SYNE2: variants seen among roughly 807,000 people sequenced by gnomAD.
The protein encoded by SYNE2 is nesprin-2.
Under a neutral mutation model 856.3 loss-of-function variants are expected in SYNE2, and 431 were observed. That is an observed-to-expected ratio of 0.50 (90% confidence interval 0.47 to 0.55). The LOEUF is 0.55. Ranked by LOEUF, SYNE2 falls within the 20% of genes least tolerant of loss-of-function variation. The pLI, the probability that SYNE2 is intolerant of heterozygous loss-of-function variation, is 0.00. For synonymous variants in SYNE2, 2,923 were observed against 2,872.3 expected (o/e 1.02, Z -0.56); for missense variants, 8,129 against 8,023.2 (o/e 1.01, Z -0.50).
Position 64,049,591 on chromosome 14 carries a change from T to A in SYNE2, c.7378-20T>A, listed in dbSNP as rs1391796014. 6.2e-7 allele frequency: 1 copy of A among 1,613,308 alleles called. No homozygotes were observed. The highest frequency in any genetic ancestry group is 8.5e-7 in the Non-Finnish European group (1 of 1,179,418). On this transcript the variant is annotated intron_variant, in intron 46 of 115. Transcript: ENST00000555002. Reference sequence around the variant, plus strand: ...AAATAAGTGAGTGTTTATTGACTGATCTGTGTGACTTATTTTTAGAAATTA... The same window carrying A: ...AAATAAGTGAGTGTTTATTGACTGAACTGTGTGACTTATTTTTAGAAATTA...
At chr14:63,867,015 T>C (rs1310707134) in intron 1 of SYNE2, among the ~76,000 whole-genome samples, 1 of 152,224 alleles carries the variant, frequency 6.6e-6, no homozygotes, top group African/African-American at 2.4e-5. Context: ...CCAGACACTT[T>C]ACATGCACCA....
chr14:63,999,063 C>A lies in SYNE2; in HGVS notation c.3480+23C>A, dbSNP rs748508078. 4 of 1,609,844 alleles carry A rather than the reference C, an allele frequency of 2.5e-6. No homozygotes were observed. In the African/African-American group the frequency reaches 4.0e-5, roughly 16 times the overall value. ...CAGGTAATTACCAAAAATATTATTT[C>A]TCTGATTATCTTGTTTATTAGAAAA... is the stretch of plus-strand genomic sequence containing the variant. On this transcript the variant is annotated intron_variant, in intron 27 of 115. Transcript: ENST00000555002.
At position 64,010,227 on chromosome 14, in the gene SYNE2, A is replaced by C. The variant is rs1594838898; in HGVS notation, c.4728+111A>C. ...TTTGAAACTTCGTTTAAAAGAAGTT[A>C]CTAGTGACCCTATTTTACCAGGTAT... On this transcript the variant is annotated intron_variant, in intron 32 of 115. Coordinates refer to ENST00000555002, the MANE Select transcript of SYNE2 (RefSeq NM_182914.3). The C allele has an allele frequency of 1.6e-5, 19 of 1,173,462 alleles. 1 individual carries two copies. The East Asian group carries it at 4.9e-4, about 30-fold the overall frequency. 72.7% of individuals were successfully genotyped at this position (1,173,462 alleles called of 1,614,324 possible). A position where few individuals can be genotyped will look rare whatever the true frequency, so the allele number is the denominator to read the frequency against.
intron 1 of SYNE2, among the ~76,000 whole-genome samples, chr14:63,885,966 A>G (rs1188852951): frequency 6.6e-6 from 1 of 152,162 alleles, no homozygotes; most frequent in Non-Finnish European, 1.5e-5. Flanking sequence ...ATGTGAGCTA[A>G]ATAGATGCTG....
chr14:63,958,466 T>A (rs1363214884), intron 8 of SYNE2, among the ~76,000 whole-genome samples: 1 of 152,150 alleles, frequency 6.6e-6, no homozygotes, highest in Non-Finnish European at 1.5e-5. Flanking sequence ...TTATACTGGG[T>A]TTTTGTGTTC....
intron 1 of SYNE2, among the ~76,000 whole-genome samples, chr14:63,810,688 A>G (rs1324604365): frequency 6.6e-6 from 1 of 152,172 alleles, no homozygotes; most frequent in Admixed American, 6.5e-5. Context: ...CCTGTTCTTT[A>G]ATATTTTGTT....
chr14:63,845,193 A>T (rs2139940491), intron 1 of SYNE2, among the ~76,000 whole-genome samples: 1 of 152,264 alleles, frequency 6.6e-6, no homozygotes, highest in Middle Eastern at 3.4e-3. Context: ...AGGCAGGTGG[A>T]TCACCTGAGG....
At chr14:63,782,448 C>G (rs1358797379) in intron 1 of SYNE2, among the ~76,000 whole-genome samples, 1 of 78,340 alleles carries the variant, frequency 1.3e-5, no homozygotes, top group African/African-American at 5.1e-5. Context: ...AGCCTGCCAA[C>G]AAGAGTGAAA....
At chr14:63,864,229 CCT>C in intron 1 of SYNE2, among the ~76,000 whole-genome samples, 1 of 152,320 alleles carries the variant, frequency 6.6e-6, no homozygotes, top group Non-Finnish European at 1.5e-5. Flanking sequence ...AAGAATCTTT[CCT>C]CTGTTAATAC....
intron 57 of SYNE2, among the ~76,000 whole-genome samples, chr14:64,086,440 A>G (rs1179143670): frequency 6.6e-6 from 1 of 152,204 alleles, no homozygotes. Context: ...CATCAATTCT[A>G]CAACTTTGTC....
At chr14:63,820,601 A>G (rs1889177184) in intron 1 of SYNE2, among the ~76,000 whole-genome samples, 4 of 152,330 alleles carry the variant, frequency 2.6e-5, no homozygotes, top group African/African-American at 9.6e-5. Flanking sequence ...AAGGAATGAA[A>G]AGACTAGCCA....
intron 1 of SYNE2, among the ~76,000 whole-genome samples, chr14:63,895,965 A>G (rs1308016458): frequency 6.6e-6 from 1 of 152,172 alleles, no homozygotes; most frequent in African/African-American, 2.4e-5. Context: ...AGCACTTTAT[A>G]GAGAAACATA....
At chr14:63,907,779 A>G (rs2095425973) in intron 1 of SYNE2, among the ~76,000 whole-genome samples, 1 of 152,156 alleles carries the variant, frequency 6.6e-6, no homozygotes, top group Admixed American at 6.6e-5. Flanking sequence ...TTTGTCACTC[A>G]TCAGGCTGCC....
chr14:64,067,209 T>G (rs543152872), intron 51 of SYNE2, among the ~76,000 whole-genome samples: 2 of 151,818 alleles, frequency 1.3e-5, no homozygotes, highest in African/African-American at 2.4e-5. Context: ...AAAAAAAAAA[T>G]GCTTCCCTGT....
chr14:64,000,584 C>T lies in SYNE2; in HGVS notation c.3503C>T (p.Ala1168Val), dbSNP rs142855086. ...DLQVIKNETD[A>V]RWKEFEIISL... Reference sequence around the variant, plus strand: ...TAGGTCATAAAAAATGAAACTGATGCTCGCTGGAAAGAGTTTGAAATTATT... The same window carrying T: ...TAGGTCATAAAAAATGAAACTGATGTTCGCTGGAAAGAGTTTGAAATTATT... Residue 1168 changes from alanine to valine, a missense_variant, in exon 28 of 116, where the codon GCT (alanine) becomes GTT (valine). Around this residue, in one of 3 missense-constraint regions of SYNE2, gnomAD observed 2,422 missense variants for 2,357.4 expected, o/e 1.03. Transcript: ENST00000555002. The T allele has an allele frequency of 6.2e-7, 1 of 1,613,378 alleles. No homozygotes were observed. The highest frequency in any genetic ancestry group is 1.3e-5 in the African/African-American group (1 of 75,000).
At chr14:64,100,547 T>TAGATATATAA (rs1272258147) in intron 63 of SYNE2, among the ~76,000 whole-genome samples, 2 of 85,606 alleles carry the variant, frequency 2.3e-5, no homozygotes, top group East Asian at 4.5e-4. Context: ...TATATATATA[T>TAGATATATAA]ATATATATAT....
chr14:64,034,463 C>A, intron 45 of SYNE2: 1 of 475,586 alleles, frequency 2.1e-6, no homozygotes, highest in Non-Finnish European at 3.8e-6. Context: ...ATTTCTTTTA[C>A]TTTTTCTTTA....
intron 6 of SYNE2, among the ~76,000 whole-genome samples, chr14:63,948,774 G>GTGTGTATATATA (rs2096087260): frequency 2.5e-5 from 1 of 39,696 alleles, no homozygotes; most frequent in African/African-American, 7.1e-5. Context: ...ATATATGTAT[G>GTGTGTATATATA]TGTGTGTGTA....
chr14:63,948,782 G>GTGTGTGTGTCTATATA (rs1454688156), intron 6 of SYNE2, among the ~76,000 whole-genome samples: 4 of 43,906 alleles, frequency 9.1e-5, no homozygotes, highest in African/African-American at 3.2e-4. Flanking sequence ...ATGTGTGTGT[G>GTGTGTGTGTCTATATA]TATATATATA....
Sources: gnomAD v4.1 joint callset for allele counts (sites outside exome capture counted in the v4.1 genomes callset) on GRCh38, gnomAD v4.1.1 for gene constraint, gnomAD v4.1.1 regional missense constraint, MANE v1.5 for transcripts, NCBI Gene and HGNC (gene_info 2026-07-23, HGNC 2026-07-21) for gene names.